Variants in NAALADL2 observed in about 807,000 individuals in gnomAD.
NAALADL2 encodes inactive N-acetylated-alpha-linked acidic dipeptidase-like protein 2.
In NAALADL2, 76 loss-of-function variants were observed where a neutral mutation model predicts 87.2. That is an observed-to-expected ratio of 0.87 (90% confidence interval 0.72 to 1.05). The LOEUF (loss-of-function observed/expected upper bound fraction) is 1.05, where lower values mean the gene tolerates loss of function less well. Among genes scored for constraint, NAALADL2 ranks in the 50% least tolerant of loss-of-function variants. The probability of loss-of-function intolerance (pLI) is 0.00; values close to 1 mark genes in which losing one functional copy is unlikely to be tolerated. For missense variants in NAALADL2, 1,089 were observed against 945.8 expected (o/e 1.15, Z -1.99); for synonymous variants, 354 against 331.0 (o/e 1.07, Z -0.75).
intron 11 of NAALADL2, among the ~76,000 whole-genome samples, chr3:175,723,246 C>T (rs554336384): frequency 6.6e-6 from 1 of 152,152 alleles, no homozygotes; most frequent in African/African-American, 2.4e-5. Flanking sequence ...TTCAGATAGC[C>T]CTCGACTTCT....
intron 5 of NAALADL2, among the ~76,000 whole-genome samples, chr3:175,336,343 A>C (rs1761966921): frequency 6.6e-6 from 1 of 152,194 alleles, no homozygotes; most frequent in African/African-American, 2.4e-5. Context: ...AATGTATCTA[A>C]CCACGGAGTC....
chr3:174,986,993 C>T (rs990246032), intron 1 of NAALADL2, among the ~76,000 whole-genome samples: 1 of 152,120 alleles, frequency 6.6e-6, no homozygotes, highest in African/African-American at 2.4e-5. Flanking sequence ...TCAGACCAAA[C>T]ACTTGATAAT....
chr3:175,236,565 A>AAG (rs1745917533), intron 3 of NAALADL2, among the ~76,000 whole-genome samples: 2 of 147,730 alleles, frequency 1.4e-5, no homozygotes, highest in African/African-American at 2.5e-5. Context: ...AAAAAAAAAA[A>AAG]AAGAAGAAAA....
At chr3:175,667,291 G>T (rs547314050) in intron 11 of NAALADL2, among the ~76,000 whole-genome samples, 1 of 151,860 alleles carries the variant, frequency 6.6e-6, no homozygotes, top group African/African-American at 2.4e-5. Flanking sequence ...GATCTGAAGG[G>T]GTTAAATTGA....
intron 1 of NAALADL2, among the ~76,000 whole-genome samples, chr3:174,456,760 A>C (rs2108283596): frequency 6.6e-6 from 1 of 152,316 alleles, no homozygotes; most frequent in Middle Eastern, 3.4e-3. Flanking sequence ...CAAAACTATA[A>C]AAACCCTGGA....
intron 5 of NAALADL2, among the ~76,000 whole-genome samples, chr3:175,335,316 C>T (rs1053804147): frequency 7.2e-5 from 11 of 152,116 alleles, no homozygotes; most frequent in Non-Finnish European, 1.5e-4. Flanking sequence ...AGCAAAATTC[C>T]GTTGGAATGA....
intron 1 of NAALADL2, among the ~76,000 whole-genome samples, chr3:174,530,656 A>G (rs1261917001): frequency 6.6e-6 from 1 of 152,208 alleles, no homozygotes; most frequent in Non-Finnish European, 1.5e-5. Context: ...GGCAGCAGAT[A>G]AGAGAAGAGA....
intron 4 of NAALADL2, among the ~76,000 whole-genome samples, chr3:175,278,965 A>G (rs974579643): frequency 6.6e-6 from 1 of 152,136 alleles, no homozygotes; most frequent in Non-Finnish European, 1.5e-5. Context: ...TTGTTGTGCT[A>G]TTTGGTGTAA....
At chr3:175,147,275 G>T (rs920311474) in intron 2 of NAALADL2, among the ~76,000 whole-genome samples, 1 of 152,000 alleles carries the variant, frequency 6.6e-6, no homozygotes, top group Non-Finnish European at 1.5e-5. Flanking sequence ...AGTGTCTATT[G>T]TTGCCATCTT....
Position 175,343,670 on chromosome 3 carries a change from TTTTTTTC to T in NAALADL2, c.1090+19346_1090+19352del, listed in dbSNP as rs1331402286. Among the ~76,000 whole-genome samples the T allele has an allele frequency of 1.2e-4, 18 of 144,844 alleles. 2 individuals are homozygous for T. The highest frequency in any genetic ancestry group is 9.9e-4 in the Admixed American group (14 of 14,198). On this transcript the variant is annotated intron_variant, in intron 5 of 13. Coordinates refer to ENST00000454872, the MANE Select transcript of NAALADL2 (RefSeq NM_207015.3). ...TCTTGATCATGTTTTTTTTTTTTTT[TTTTTTTC>T]CCTTCCCACTGATCAAACTAGGAAA...
At chr3:174,772,755 G>T (rs900976505) in intron 3 of NAALADL2, among the ~76,000 whole-genome samples, 1 of 152,092 alleles carries the variant, frequency 6.6e-6, no homozygotes, top group Non-Finnish European at 1.5e-5. Flanking sequence ...AAGTTAAGGT[G>T]GAAACACAAG....
intron 11 of NAALADL2, chr3:175,655,446 T>C: frequency 2.9e-6 from 1 of 340,104 alleles, no homozygotes; most frequent in South Asian, 2.3e-5. Context: ...AATGCGTTAT[T>C]ATTATAATGT....
chr3:174,449,382 TTAA>T (rs1426903438), intron 1 of NAALADL2, among the ~76,000 whole-genome samples: 2 of 152,190 alleles, frequency 1.3e-5, no homozygotes, highest in Admixed American at 6.5e-5. Flanking sequence ...AAAAGCACTA[TTAA>T]TGATATTGTG....
Position 175,365,977 on chromosome 3 carries a change from G to A in NAALADL2, c.1090+41652G>A, listed in dbSNP as rs573168662. 6.6e-5 allele frequency among the ~76,000 whole-genome samples: 9 copies of A among 136,546 alleles called. 1 individual carries two copies. The highest frequency in any genetic ancestry group is 9.5e-5 in the Non-Finnish European group (6 of 62,924). 89.6% of individuals were successfully genotyped at this position (136,546 alleles called of 152,430 possible). A position where few individuals can be genotyped will look rare whatever the true frequency, so the allele number is the denominator to read the frequency against. ...GCTAGTGTGCCGCACCCATTAACTC[G>A]TCATTTAGCATTAGGTATATCTCCT... On this transcript the variant is annotated intron_variant, in intron 5 of 13. Coordinates refer to ENST00000454872, the MANE Select transcript of NAALADL2 (RefSeq NM_207015.3).
intron 11 of NAALADL2, chr3:175,655,623 C>G (rs1731347871): frequency 5.5e-6 from 1 of 183,026 alleles, no homozygotes; most frequent in African/African-American, 2.4e-5. Context: ...TCCTGTTACC[C>G]CAACGATATG....
At chr3:174,865,413 A>G (rs1196360440) in intron 1 of NAALADL2, among the ~76,000 whole-genome samples, 1 of 151,974 alleles carries the variant, frequency 6.6e-6, no homozygotes, top group African/African-American at 2.4e-5. Context: ...CAATCTCTTG[A>G]TTCCTTTGTT....
chr3:175,597,159 T>A lies in NAALADL2; in HGVS notation c.1800+20972T>A, dbSNP rs1722355735. On this transcript the variant is annotated intron_variant, in intron 10 of 13. Transcript: ENST00000454872. ...TTTCAAAGCAAGTTTTCCATCTCTG[T>A]GAAAGCAGAGGGTACAACATATCTG... is the stretch of plus-strand genomic sequence containing the variant. 5.9e-5 allele frequency among the ~76,000 whole-genome samples: 9 copies of A among 152,184 alleles called. No individual in the cohort carries two copies. In the South Asian group the frequency reaches 1.9e-3, roughly 32 times the overall value.
At chr3:175,281,383 ACTCT>A (rs1483767147) in intron 4 of NAALADL2, among the ~76,000 whole-genome samples, 1 of 151,830 alleles carries the variant, frequency 6.6e-6, no homozygotes, top group Non-Finnish European at 1.5e-5. Flanking sequence ...TAAGCCATTA[ACTCT>A]CTCACTTTTT....
At chr3:174,737,918 T>G (rs1378635099) in intron 3 of NAALADL2, among the ~76,000 whole-genome samples, 1 of 152,326 alleles carries the variant, frequency 6.6e-6, no homozygotes, top group East Asian at 1.9e-4. Flanking sequence ...TTATTTATCT[T>G]TTATTTCATG....
Sources: allele counts gnomAD v4.1 joint callset (sites outside exome capture counted in the v4.1 genomes callset), GRCh38; gene constraint gnomAD v4.1.1; transcripts MANE v1.5; gene names NCBI Gene and HGNC (gene_info 2026-07-23, HGNC 2026-07-21).